NFS1: variants seen among roughly 807,000 people sequenced by gnomAD.
The protein encoded by NFS1 is NFS1 cysteine desulfurase, also known as cysteine desulfurase.
NFS1 carries 26 observed loss-of-function variants against 57.3 expected under a neutral mutation model. That is an observed-to-expected ratio of 0.45 (90% CI 0.33 to 0.63). The LOEUF (loss-of-function observed/expected upper bound fraction) is 0.63, where lower values mean the gene tolerates loss of function less well. Ranked by LOEUF, NFS1 falls within the 20% of genes least tolerant of loss-of-function variation. The pLI is 0.02. For synonymous variants in NFS1, 209 were observed against 216.3 expected (o/e 0.97, Z 0.30); for missense variants, 505 against 605.8 (o/e 0.83, Z 1.75).
chr20:35,673,119 C>G (rs2034685010), intron 11 of NFS1, among the ~76,000 whole-genome samples: 1 of 152,036 alleles, frequency 6.6e-6, no homozygotes, highest in Non-Finnish European at 1.5e-5. Flanking sequence ...GAAACCCCGT[C>G]TCTACTAAAA....
rs200269448 is a variant in NFS1 at position 35,675,005 on chromosome 20, C to T, written c.948+40G>A. 1.8e-5 allele frequency: 29 copies of T among 1,613,420 alleles called. No individual in the cohort carries two copies. In the East Asian group the frequency reaches 6.5e-4, roughly 36 times the overall value. ...AAGCCTCTAAATAGGAGACCCAGCACAGGGGAAGAAGTTGTGGGAGGGAAC... is the reference window on the plus strand; with the variant it reads ...AAGCCTCTAAATAGGAGACCCAGCATAGGGGAAGAAGTTGTGGGAGGGAAC... On this transcript the variant is annotated intron_variant, in intron 8 of 12. Coordinates refer to ENST00000374092, the MANE Select transcript of NFS1 (RefSeq NM_021100.5).
At chr20:35,694,328 A>T (rs1447126568) in intron 4 of NFS1, among the ~76,000 whole-genome samples, 1 of 152,046 alleles carries the variant, frequency 6.6e-6, no homozygotes, top group African/African-American at 2.4e-5. Flanking sequence ...CATTTTTAGT[A>T]GAGACGGGGT....
At chr20:35,677,404 C>T (rs573998291) in intron 7 of NFS1, among the ~76,000 whole-genome samples, 1 of 151,960 alleles carries the variant, frequency 6.6e-6, no homozygotes, top group African/African-American at 2.4e-5. Context: ...GGCATGGTGG[C>T]ATGCACTTAT....
At chr20:35,681,759 C>A in intron 6 of NFS1, 129 bp downstream of exon 6, 1 of 551,150 alleles carries the variant, frequency 1.8e-6, no homozygotes. Context: ...TTCCAATGTC[C>A]TTGAACAAAG....
chr20:35,697,843 A>C, intron 2 of NFS1, 43 bp from the exon 3 acceptor site: 1 of 1,385,966 alleles, frequency 7.2e-7, no homozygotes, highest in South Asian at 1.2e-5. Context: ...GCGCATCGTC[A>C]ATTCAGGTCC....
At chr20:35,673,453 TG>T (rs2034690081) in intron 11 of NFS1, 147 bp downstream of exon 11, 1 of 614,044 alleles carries the variant, frequency 1.6e-6, no homozygotes, top group Admixed American at 3.0e-5. Flanking sequence ...TGAGAACCAC[TG>T]CTCTAGAAAC....
In NFS1 at chr20:35,699,283, C is replaced by A; in HGVS notation, c.6G>T (p.Leu2=). 1 of 1,408,378 alleles carries A rather than the reference C, an allele frequency of 7.1e-7. No homozygotes were observed. Among genetic ancestry groups the A allele is most frequent in the Non-Finnish European group, 9.2e-7 (1 of 1,089,704 alleles). The allele number at this position is 1,408,378 out of a possible 1,614,324, so 87.2% of individuals were successfully genotyped here. The change falls in exon 1 of 13, where the codon CTG becomes CTT. Residue 2 remains leucine, a synonymous_variant. Coordinates refer to ENST00000374092, the MANE Select transcript of NFS1 (RefSeq NM_021100.5). This position sits in a 1 kb window ranked among gnomAD's most constrained non-coding sequence, Gnocchi z 4.4. M[L]LRAAWRRAAV... ...CCGCCCGCCTCCAAGCGGCTCGGAG[C>A]AGCATGGTCCCGCTGGCAGAGCCCA...
In NFS1 at chr20:35,697,667, G is replaced by A; in HGVS notation, c.324+17C>T. 1 of 1,577,018 alleles carries A rather than the reference G, an allele frequency of 6.3e-7. No homozygotes were observed. Among genetic ancestry groups the A allele is most frequent in the Non-Finnish European group, 8.7e-7 (1 of 1,152,452 alleles). ...CCCTCTTTGACCTTAGAACCTCCTA[G>A]ACTCCTGTGTACTAACCTGACGAGC... On this transcript the variant is annotated intron_variant, in intron 3 of 12. Transcript: ENST00000374092.
intron 4 of NFS1, among the ~76,000 whole-genome samples, chr20:35,693,824 TG>T (rs1568965795): frequency 6.6e-6 from 1 of 151,916 alleles, no homozygotes; most frequent in African/African-American, 2.4e-5. Context: ...TAGCCAGGCG[TG>T]GTGGTGGGAG....
intron 4 of NFS1, among the ~76,000 whole-genome samples, chr20:35,695,038 A>T (rs1258141226): frequency 6.6e-6 from 1 of 152,232 alleles, no homozygotes; most frequent in Non-Finnish European, 1.5e-5. Flanking sequence ...TTAACAATTT[A>T]TAGATTATTT....
At position 35,697,802 on chromosome 20, in the gene NFS1, TG is replaced by T. The variant is rs761923812; in HGVS notation, c.208-3del. The T allele has an allele frequency of 1.4e-5, 22 of 1,598,294 alleles. No homozygotes were observed. Among genetic ancestry groups the T allele is most frequent in the Middle Eastern group, 3.3e-4 (2 of 6,012 alleles). Reference sequence around the variant, plus strand: ...CATGGCATCAAGCACCCGGGGGTCCTGAACACAACAGAACAGATCATTTTCC... The same window carrying T: ...CATGGCATCAAGCACCCGGGGGTCCTAACACAACAGAACAGATCATTTTCC... On this transcript the variant is annotated splice_polypyrimidine_tract_variant and splice_region_variant and intron_variant, in intron 2 of 12. Coordinates refer to ENST00000374092, the MANE Select transcript of NFS1 (RefSeq NM_021100.5).
At chr20:35,696,894 G>A (rs2035143426) in intron 3 of NFS1, among the ~76,000 whole-genome samples, 1 of 151,638 alleles carries the variant, frequency 6.6e-6, no homozygotes, top group African/African-American at 2.4e-5. Context: ...ATCACCTGAG[G>A]TCGGGAATTC....
chr20:35,693,961 C>CA lies in NFS1; in HGVS notation c.408+2415dup, dbSNP rs558931685. 5.0e-3 allele frequency among the ~76,000 whole-genome samples: 751 copies of CA among 148,896 alleles called. 2 individuals carry two copies. Among genetic ancestry groups the CA allele is most frequent in the Non-Finnish European group, 6.9e-3 (463 of 67,262 alleles). ...TGGGCGACAGAGCCAGGCTCCATCT[C>CA]AAAAAAAAATAAATAAATAAATTAA... On this transcript the variant is annotated intron_variant, in intron 4 of 12. Transcript: ENST00000374092.
chr20:35,678,020 C>T (rs926081725), intron 7 of NFS1, among the ~76,000 whole-genome samples: 1 of 152,020 alleles, frequency 6.6e-6, no homozygotes, highest in African/African-American at 2.4e-5. Flanking sequence ...TCGAGACCAG[C>T]CTGGCCAACA....
At chr20:35,688,314 G>T (rs6142428) in intron 5 of NFS1, among the ~76,000 whole-genome samples, 5 of 151,778 alleles carry the variant, frequency 3.3e-5, no homozygotes, top group Non-Finnish European at 7.4e-5. Context: ...CAGCACTTTG[G>T]GGGGCCAAGA....
chr20:35,675,603 G>C (rs970029641), intron 7 of NFS1: 1 of 184,886 alleles, frequency 5.4e-6, no homozygotes, highest in Non-Finnish European at 1.1e-5. Context: ...AGGGGGCCGG[G>C]TGTGGTGGTT....
chr20:35,691,239 A>G (rs770556438), intron 4 of NFS1, among the ~76,000 whole-genome samples: 64 of 152,280 alleles, frequency 4.2e-4, no homozygotes, highest in South Asian at 1.4e-3. Flanking sequence ...TCTACTCTAT[A>G]TTATTGGAAT....
At chr20:35,693,826 G>A (rs1416517515) in intron 4 of NFS1, among the ~76,000 whole-genome samples, 1 of 152,084 alleles carries the variant, frequency 6.6e-6, no homozygotes, top group Admixed American at 6.6e-5. Context: ...GCCAGGCGTG[G>A]TGGTGGGAGC....
At position 35,672,764 on chromosome 20, in the gene NFS1, C is replaced by G; in HGVS notation, c.1301G>C (p.Arg434Pro). Reference sequence around the variant, plus strand: ...GATACAATATGTATACCTCATTTCTCGAAGACGCTTCACATGCTGAATGCA... The same window carrying G: ...GATACAATATGTATACCTCATTTCTGGAAGACGCTTCACATGCTGAATGCA... ...EKCIQHVKRL[R>P]EMSPLWEMVQ... is the part of the protein sequence containing the mutation. The change falls in exon 12 of 13, where the codon CGA becomes CCA. Residue 434 changes from arginine to proline, a missense_variant. Physicochemically the swap from Arg to Pro is moderately radical, Grantham distance 103 (BLOSUM62 -2). Transcript: ENST00000374092. 1 of 1,608,926 alleles carries G rather than the reference C, an allele frequency of 6.2e-7. No homozygotes were observed. The highest frequency in any genetic ancestry group is 1.1e-5 in the South Asian group (1 of 90,946).
Sources: allele counts gnomAD v4.1 joint callset (sites outside exome capture counted in the v4.1 genomes callset), GRCh38; gene constraint gnomAD v4.1.1; non-coding constraint Gnocchi (gnomAD v3.1); transcripts MANE v1.5; gene names NCBI Gene and HGNC (gene_info 2026-07-23, HGNC 2026-07-21).